Variants in MAP10 observed in about 807,000 individuals in gnomAD.
MAP10 encodes microtubule associated protein 10.
Under a neutral mutation model 6.3 loss-of-function variants are expected in MAP10, and 10 were observed. The observed-to-expected ratio is 1.58, with a 90% CI of 0.98 to 2.69. The LOEUF (loss-of-function observed/expected upper bound fraction) is 2.69. MAP10 is among the 30% of genes most tolerant of loss of function. MAP10 has a pLI of 0.00. For missense variants in MAP10, 1,189 were observed against 1,086.5 expected (o/e 1.09, Z -1.33); for synonymous variants, 459 against 429.3 (o/e 1.07, Z -0.86).
At position 232,808,592 on chromosome 1, in the gene MAP10, G is replaced by A. The variant is rs1666147773; in HGVS notation, c.*425G>A. ...AGGTGCAGAATCTATTTATGATAGA[G>A]CCCTGCTGTTTTAAAAGCTTACAGT... On this transcript the variant is annotated 3_prime_UTR_variant, in exon 1 of 1. Transcript: ENST00000418460. Among the ~76,000 whole-genome samples, 1 of 152,134 alleles carries A rather than the reference G, an allele frequency of 6.6e-6. No homozygotes were observed. The highest frequency in any genetic ancestry group is 2.1e-4 in the South Asian group (1 of 4,832).
chr1:232,805,671 C>A lies in MAP10; in HGVS notation c.222C>A (p.Gly74=). ...CGCTGTTGGTTTACCCTCCTGACGGCCCCGGCGCTCCCGCCGCCGAACCGT... is the reference window on the plus strand; with the variant it reads ...CGCTGTTGGTTTACCCTCCTGACGGACCCGGCGCTCCCGCCGCCGAACCGT... The part of the protein sequence containing the change: ...FPTLLVYPPD[G]PGAPAAEPWP... Residue 74 remains glycine, a synonymous_variant, in exon 1 of 1, where the codon GGC becomes GGA. Coordinates refer to ENST00000418460, the MANE Select transcript of MAP10 (RefSeq NM_019090.3). 4 of 1,599,182 alleles carry A rather than the reference C, an allele frequency of 2.5e-6. No individual in the cohort carries two copies. Among genetic ancestry groups the A allele is most frequent in the Non-Finnish European group, 3.4e-6 (4 of 1,176,788 alleles).
chr1:232,806,605 CA>C, the MAP10 span: 1 of 1,613,876 alleles, frequency 6.2e-7, no homozygotes, highest in Non-Finnish European at 8.5e-7. Flanking sequence ...TCAAACTGAA[CA>C]AAATCGAATT....
In MAP10 at chr1:232,809,640, A is replaced by G. The variant is rs1666167183; in HGVS notation, c.*1473A>G. Among the ~76,000 whole-genome samples, 1 of 152,112 alleles carries G rather than the reference A, an allele frequency of 6.6e-6. No individual in the cohort carries two copies. Among genetic ancestry groups the G allele is most frequent in the Non-Finnish European group, 1.5e-5 (1 of 67,926 alleles). On this transcript the variant is annotated 3_prime_UTR_variant, in exon 1 of 1. Transcript: ENST00000418460. Reference sequence around the variant, plus strand: ...AATAACAGATTATTTTAGGTTATAAATGAGCACTAGTAAGTAGTCATGACA... The same window carrying G: ...AATAACAGATTATTTTAGGTTATAAGTGAGCACTAGTAAGTAGTCATGACA...
Position 232,807,822 on chromosome 1 carries a change from A to G in MAP10, c.2373A>G (p.Ala791=). ...CTCAGGATAAAAGTTTGGAGGAAGCATCTAGTATCTCTGCTAGTGATTTAT... is the reference window on the plus strand; with the variant it reads ...CTCAGGATAAAAGTTTGGAGGAAGCGTCTAGTATCTCTGCTAGTGATTTAT... ...SKTQDKSLEE[A]SSISASDLSS... Residue 791 remains alanine (A), a synonymous_variant, in exon 1 of 1, where the codon GCA becomes GCG. Transcript: ENST00000418460. 6.2e-7 allele frequency: 1 copy of G among 1,613,580 alleles called. No homozygotes were observed. The highest frequency in any genetic ancestry group is 2.2e-5 in the East Asian group (1 of 44,880).
At position 232,807,161 on chromosome 1, in the gene MAP10, A is replaced by C. The variant is rs1278902765; in HGVS notation, c.1712A>C (p.Glu571Ala). The C allele has an allele frequency of 6.2e-7, 1 of 1,612,850 alleles. No individual in the cohort carries two copies. The highest frequency in any genetic ancestry group is 2.2e-5 in the East Asian group (1 of 44,882). ...KYLDSDASFT[E>A]NSDTSRQISG... ...TTAGATTCAGATGCATCTTTCACTG[A>C]AAATAGTGATACCTCAAGACAAATC... is the stretch of plus-strand genomic sequence containing the variant. The change falls in exon 1 of 1, where the codon GAA (glutamate) becomes GCA (alanine). Residue 571 changes from glutamate to alanine, a missense_variant. Transcript: ENST00000418460.
chr1:232,806,063 C>A lies in MAP10; in HGVS notation c.614C>A (p.Ala205Glu). The change falls in exon 1 of 1, where the codon GCG (alanine) becomes GAG (glutamate). Residue 205 changes from alanine (A) to glutamate (E), a missense_variant. Transcript: ENST00000418460. ...ACCTTCACCCGCACAGGAGGAGGAG[C>A]GGAGGTCAGTCCCCAAACCCAGCAG... ...PLTFTRTGGG[A>E]EVSPQTQQER... 9.9e-6 allele frequency: 16 copies of A among 1,613,940 alleles called. No homozygotes were observed. Among genetic ancestry groups the A allele is most frequent in the Non-Finnish European group, 1.4e-5 (16 of 1,179,862 alleles).
In MAP10 at chr1:232,809,238, T is replaced by C. The variant is rs563392147; in HGVS notation, c.*1071T>C. On this transcript the variant is annotated 3_prime_UTR_variant, in exon 1 of 1. Coordinates refer to ENST00000418460, the MANE Select transcript of MAP10 (RefSeq NM_019090.3). Reference sequence around the variant, plus strand: ...TATTCTGTGTTCAAATATTTACATATATTTTCTTCTAGCTGTGTTATACTT... The same window carrying C: ...TATTCTGTGTTCAAATATTTACATACATTTTCTTCTAGCTGTGTTATACTT... Among the ~76,000 whole-genome samples the C allele has an allele frequency of 1.1e-3, 166 of 152,244 alleles. 1 individual carries two copies. Among genetic ancestry groups the C allele is most frequent in the African/African-American group, 4.0e-3 (165 of 41,570 alleles).
chr1:232,805,914 C>T lies in MAP10; in HGVS notation c.465C>T (p.Ser155=). 6.2e-7 allele frequency: 1 copy of T among 1,608,790 alleles called. No homozygotes were observed. Among genetic ancestry groups the T allele is most frequent in the East Asian group, 2.2e-5 (1 of 44,628 alleles). ...RVVGPAASGC[S]HRHRGRFPLH... is the part of the protein sequence containing the mutation. ...TGGGGCCGGCCGCCTCCGGATGCTC[C>T]CACCGTCACCGGGGACGTTTCCCCC... Residue 155 remains serine (S), a synonymous_variant, in exon 1 of 1, where the codon TCC becomes TCT. Coordinates refer to ENST00000418460, the MANE Select transcript of MAP10 (RefSeq NM_019090.3).
chr1:232,805,740 C>T lies in MAP10; in HGVS notation c.291C>T (p.Phe97=), dbSNP rs768194850. 1.2e-6 allele frequency: 2 copies of T among 1,604,870 alleles called. No homozygotes were observed. Among genetic ancestry groups the T allele is most frequent in the South Asian group, 1.1e-5 (1 of 90,878 alleles). ...TCGGTCGCGGCAAGTCCTGCCTCTT[C>T]CGCCTGCAGCCTGCTACCCTGCACT... ...IRFGRGKSCL[F]RLQPATLHCR... Residue 97 remains phenylalanine, a synonymous_variant, in exon 1 of 1, where the codon TTC becomes TTT. Coordinates refer to ENST00000418460, the MANE Select transcript of MAP10 (RefSeq NM_019090.3).
Position 232,805,884 on chromosome 1 carries a change from G to A in MAP10, c.435G>A (p.Arg145=). 1 of 1,601,600 alleles carries A rather than the reference G, an allele frequency of 6.2e-7. No homozygotes were observed. The highest frequency in any genetic ancestry group is 8.5e-7 in the Non-Finnish European group (1 of 1,174,392). Residue 145 remains arginine, a synonymous_variant, in exon 1 of 1, where the codon AGG becomes AGA. Coordinates refer to ENST00000418460, the MANE Select transcript of MAP10 (RefSeq NM_019090.3). ...CDISLATAAH[R]VVGPAASGCS... ...TTTCGCTGGCCACCGCAGCGCACAG[G>A]GTCGTGGGGCCGGCCGCCTCCGGAT...
In MAP10 at chr1:232,808,617, T is replaced by C. The variant is rs188164550; in HGVS notation, c.*450T>C. 3.6e-4 allele frequency among the ~76,000 whole-genome samples: 55 copies of C among 152,302 alleles called. No homozygotes were observed. The highest frequency in any genetic ancestry group is 1.3e-3 in the African/African-American group (52 of 41,586). On this transcript the variant is annotated 3_prime_UTR_variant, in exon 1 of 1. Transcript: ENST00000418460. The stretch of plus-strand genomic sequence containing the variant: ...GCCCTGCTGTTTTAAAAGCTTACAG[T>C]TGTATGTAGATAAGAAGTCTTCCTT...
Position 232,807,831 on chromosome 1 carries a change from C to T in MAP10, c.2382C>T (p.Ile794=). The T allele has an allele frequency of 1.2e-6, 2 of 1,613,422 alleles. No individual in the cohort carries two copies. The highest frequency in any genetic ancestry group is 1.7e-6 in the Non-Finnish European group (2 of 1,179,648). ...QDKSLEEASS[I]SASDLSSTHW... ...AAAGTTTGGAGGAAGCATCTAGTAT[C>T]TCTGCTAGTGATTTATCTTCAACAC... The change falls in exon 1 of 1, where the codon ATC becomes ATT. Residue 794 remains isoleucine, a synonymous_variant. Transcript: ENST00000418460.
Position 232,808,941 on chromosome 1 carries a change from G to A in MAP10, c.*774G>A, listed in dbSNP as rs536414737. 1.8e-4 allele frequency among the ~76,000 whole-genome samples: 27 copies of A among 152,054 alleles called. No homozygotes were observed. The highest frequency in any genetic ancestry group is 3.5e-4 in the Non-Finnish European group (24 of 67,946). On this transcript the variant is annotated 3_prime_UTR_variant, in exon 1 of 1. Transcript: ENST00000418460. Reference sequence around the variant, plus strand: ...TAGAATTAAGCAGCAAAAATAAGCAGATTCCCTAAAATAAACCTGCAGAAA... The same window carrying A: ...TAGAATTAAGCAGCAAAAATAAGCAAATTCCCTAAAATAAACCTGCAGAAA...
Position 232,805,695 on chromosome 1 carries a change from G to T in MAP10, c.246G>T (p.Pro82=), listed in dbSNP as rs1666085180. ...GCCCCGGCGCTCCCGCCGCCGAACC[G>T]TGGCCCGGTGTCATCCGCTTCGGTC... ...PDGPGAPAAE[P]WPGVIRFGRG... The change falls in exon 1 of 1, where the codon CCG becomes CCT. Residue 82 remains proline (P), a synonymous_variant. Coordinates refer to ENST00000418460, the MANE Select transcript of MAP10 (RefSeq NM_019090.3). The T allele has an allele frequency of 6.2e-7, 1 of 1,604,124 alleles. No individual in the cohort carries two copies. The highest frequency in any genetic ancestry group is 8.5e-7 in the Non-Finnish European group (1 of 1,179,098).
Position 232,806,279 on chromosome 1 carries a change from G to A in MAP10, c.830G>A (p.Gly277Asp), listed in dbSNP as rs764608230. 6.2e-7 allele frequency: 1 copy of A among 1,613,962 alleles called. No individual in the cohort carries two copies. The highest frequency in any genetic ancestry group is 8.5e-7 in the Non-Finnish European group (1 of 1,179,894). Residue 277 changes from glycine (G) to aspartate (D), a missense_variant, in exon 1 of 1, where the codon GGC (glycine) becomes GAC (aspartate). Physicochemically the swap from Gly to Asp is moderately conservative, Grantham distance 94 (BLOSUM62 -1). Coordinates refer to ENST00000418460, the MANE Select transcript of MAP10 (RefSeq NM_019090.3). Reference sequence around the variant, plus strand: ...TCTGTTGTTACATGTTCAGGTGCTGGCAATGGGAGAAATGTTAGCTCCCTA... The same window carrying A: ...TCTGTTGTTACATGTTCAGGTGCTGACAATGGGAGAAATGTTAGCTCCCTA... Reference protein sequence around the residue: ...TNSVVTCSGAGNGRNVSSLNE... With the variant: ...TNSVVTCSGADNGRNVSSLNE...
chr1:232,807,671 C>G lies in MAP10; in HGVS notation c.2222C>G (p.Thr741Arg). The G allele has an allele frequency of 6.2e-7, 1 of 1,612,432 alleles. No individual in the cohort carries two copies. The stretch of plus-strand genomic sequence containing the variant: ...GAAAATCCAAAACATAGTCAATATA[C>G]AAGCAAGTCTAGTGACACAGGAGTG... ...RTENPKHSQY[T>R]SKSSDTGVSK... The change falls in exon 1 of 1, where the codon ACA becomes AGA. Residue 741 changes from threonine (T) to arginine (R), a missense_variant. Coordinates refer to ENST00000418460, the MANE Select transcript of MAP10 (RefSeq NM_019090.3).
Position 232,807,707 on chromosome 1 carries a change from A to G in MAP10, c.2258A>G (p.Lys753Arg), listed in dbSNP as rs756674514. 6.2e-7 allele frequency: 1 copy of G among 1,613,790 alleles called. No individual in the cohort carries two copies. Among genetic ancestry groups the G allele is most frequent in the Non-Finnish European group, 8.5e-7 (1 of 1,179,790 alleles). Residue 753 changes from lysine to arginine, a missense_variant, in exon 1 of 1, where the codon AAA (lysine) becomes AGA (arginine). Transcript: ENST00000418460. ...AGTGACACAGGAGTGTCCAAAAAGA[A>G]AAATAGTAGTGACAGGAGTTCTATC... ...KSSDTGVSKKKNSSDRSSILS... is the reference protein window; with the variant it reads ...KSSDTGVSKKRNSSDRSSILS...
Position 232,805,465 on chromosome 1 carries a change from T to C in MAP10, c.16T>C (p.Ser6Pro). The part of the protein sequence containing the change: MAASL[S>P]ERLFSLELLV... Reference sequence around the variant, plus strand: ...GGCAACAGCAATGGCGGCCTCGCTGTCCGAGCGGCTCTTCTCGCTGGAGCT... The same window carrying C: ...GGCAACAGCAATGGCGGCCTCGCTGCCCGAGCGGCTCTTCTCGCTGGAGCT... Residue 6 changes from serine (S) to proline (P), a missense_variant, in exon 1 of 1, where the codon TCC (serine) becomes CCC (proline). Transcript: ENST00000418460. 4 of 1,601,274 alleles carry C rather than the reference T, an allele frequency of 2.5e-6. No individual in the cohort carries two copies. The highest frequency in any genetic ancestry group is 3.4e-6 in the Non-Finnish European group (4 of 1,173,798).
rs1292839459 is a variant in MAP10 at position 232,805,866 on chromosome 1, G to C, written c.417G>C (p.Leu139=). Residue 139 remains leucine, a synonymous_variant, in exon 1 of 1, where the codon CTG becomes CTC. Transcript: ENST00000418460. The part of the protein sequence containing the change: ...PQLLGACDIS[L]ATAAHRVVGP... ...TCCTGGGGGCCTGCGACATTTCGCT[G>C]GCCACCGCAGCGCACAGGGTCGTGG... 2 of 1,590,900 alleles carry C rather than the reference G, an allele frequency of 1.3e-6. No individual in the cohort carries two copies. The highest frequency in any genetic ancestry group is 1.3e-5 in the African/African-American group (1 of 74,306).
Sources: allele counts gnomAD v4.1 joint callset (sites outside exome capture counted in the v4.1 genomes callset), GRCh38; gene constraint gnomAD v4.1.1; transcripts MANE v1.5; gene names NCBI Gene and HGNC (gene_info 2026-07-23, HGNC 2026-07-21).